Variants in GRK3 observed in about 807,000 individuals in gnomAD.
The protein encoded by GRK3 is G protein-coupled receptor kinase 3, also known as adrenergic, beta, receptor kinase 2.
Under a neutral mutation model 95.7 loss-of-function variants are expected in GRK3, and 54 were observed. That is an observed-to-expected ratio of 0.56 (90% CI 0.45 to 0.71). GRK3 has a LOEUF of 0.71. Among genes scored for constraint, GRK3 ranks in the 30% least tolerant of loss-of-function variants. The pLI is 0.00. For missense variants in GRK3, 649 were observed against 851.2 expected (o/e 0.76, Z 2.96); for synonymous variants, 281 against 290.8 (o/e 0.97, Z 0.34).
chr22:25,681,010 G>C (rs1161630617), intron 9 of GRK3, among the ~76,000 whole-genome samples: 2 of 151,730 alleles, frequency 1.3e-5, no homozygotes, highest in African/African-American at 4.8e-5. Flanking sequence ...AAGACAGTAG[G>C]AAGTACTGTT....
chr22:25,686,079 G>A (rs891774909), intron 10 of GRK3, among the ~76,000 whole-genome samples: 6 of 151,760 alleles, frequency 4.0e-5, no homozygotes, highest in Non-Finnish European at 5.9e-5. Context: ...AAAATTAGCC[G>A]GGGGTGGTGG....
chr22:25,614,901 A>G (rs528265061), intron 2 of GRK3, among the ~76,000 whole-genome samples: 5 of 152,272 alleles, frequency 3.3e-5, no homozygotes, highest in Non-Finnish European at 5.9e-5. Flanking sequence ...GCACATGGAG[A>G]AGACTAAGAC....
Position 25,709,880 on chromosome 22 carries a change from T to C in GRK3, c.1329-18T>C, listed in dbSNP as rs144369086. The C allele has an allele frequency of 5.8e-4, 922 of 1,601,610 alleles. 8 individuals are homozygous for C. In the East Asian group the frequency reaches 0.015, roughly 25 times the overall value. ...TCCAAATGCATACTCAGCACTGTTA[T>C]GACTCTTTCTCCTCCAGCTCACAGG... On this transcript the variant is annotated intron_variant, in intron 15 of 20. Coordinates refer to ENST00000324198, the MANE Select transcript of GRK3 (RefSeq NM_005160.4).
At chr22:25,593,587 G>T (rs774055314) in intron 1 of GRK3, among the ~76,000 whole-genome samples, 10 of 151,984 alleles carry the variant, frequency 6.6e-5, no homozygotes, top group Admixed American at 2.0e-4. Context: ...TATAGAATCT[G>T]GATATTAGAC....
Position 25,724,215 on chromosome 22 carries a change from G to A in GRK3, c.*1765G>A, listed in dbSNP as rs1418418648. On this transcript the variant is annotated 3_prime_UTR_variant, in exon 21 of 21. Transcript: ENST00000324198. ...GTCTTCCCAGCCCTGGTTAATTATAGCTGTGACTGATGCCGTTCCCGTCTG... is the reference window on the plus strand; with the variant it reads ...GTCTTCCCAGCCCTGGTTAATTATAACTGTGACTGATGCCGTTCCCGTCTG... The A allele has an allele frequency of 1.3e-5, 2 of 151,686 alleles. No individual in the cohort carries two copies. The highest frequency in any genetic ancestry group is 4.8e-5 in the African/African-American group (2 of 41,246). 9.4% of individuals were successfully genotyped at this position (151,686 alleles called of 1,614,324 possible).
intron 2 of GRK3, among the ~76,000 whole-genome samples, chr22:25,642,656 T>C (rs564061622): frequency 1.5e-4 from 23 of 152,164 alleles, no homozygotes; most frequent in Non-Finnish European, 3.1e-4. Context: ...TCTATTATTT[T>C]ACTCCCTATG....
At chr22:25,702,700 T>C (rs962890637) in intron 13 of GRK3, 2 of 372,552 alleles carry the variant, frequency 5.4e-6, no homozygotes, top group Non-Finnish European at 1.1e-5. Flanking sequence ...AAAGTAAGAG[T>C]TATCTTTATT....
At chr22:25,690,850 T>C (rs2146438717) in intron 12 of GRK3, among the ~76,000 whole-genome samples, 1 of 152,292 alleles carries the variant, frequency 6.6e-6, no homozygotes, top group East Asian at 1.9e-4. Flanking sequence ...CAGTTTAGGC[T>C]TTCACTGCAG....
chr22:25,716,279 C>T (rs959169037), intron 18 of GRK3, among the ~76,000 whole-genome samples: 52 of 152,332 alleles, frequency 3.4e-4, no homozygotes, highest in Admixed American at 9.1e-4. Context: ...TGAGCCACTG[C>T]GCCCGGCCAT....
At chr22:25,665,810 G>A (rs1167803507) in intron 5 of GRK3, among the ~76,000 whole-genome samples, 1 of 152,186 alleles carries the variant, frequency 6.6e-6, no homozygotes, top group Non-Finnish European at 1.5e-5. Flanking sequence ...AAACAAAACT[G>A]TTTTTAAAGT....
At chr22:25,594,250 C>T (rs1348400737) in intron 1 of GRK3, among the ~76,000 whole-genome samples, 1 of 152,124 alleles carries the variant, frequency 6.6e-6, no homozygotes, top group Non-Finnish European at 1.5e-5. Context: ...AACGTTCTTC[C>T]ATTTGTGTGT....
In GRK3 at chr22:25,603,427, T is replaced by C. The variant is rs545272189; in HGVS notation, c.114-950T>C. On this transcript the variant is annotated intron_variant, in intron 1 of 20. Transcript: ENST00000324198. ...TTTCCCCATTTTTCTGACTTGCTACTTCTATTATATGTCAAAGTTGAATGT... is the reference window on the plus strand; with the variant it reads ...TTTCCCCATTTTTCTGACTTGCTACCTCTATTATATGTCAAAGTTGAATGT... 8.5e-4 allele frequency among the ~76,000 whole-genome samples: 130 copies of C among 152,344 alleles called. 1 individual carries two copies. The highest frequency in any genetic ancestry group is 3.2e-4 in the Non-Finnish European group (22 of 68,022).
rs528665019 is a variant in GRK3, at chr22:25,607,356, G to GTTTT, written c.190+2911_190+2914dup. ...AAATTTCTCTGATTAACTTAAAAAT[G>GTTTT]TTTTTTTTTTTACTCTTGGTTTGAA... is the stretch of plus-strand genomic sequence containing the variant. On this transcript the variant is annotated intron_variant, in intron 2 of 20. Coordinates refer to ENST00000324198, the MANE Select transcript of GRK3 (RefSeq NM_005160.4). Among the ~76,000 whole-genome samples the GTTTT allele has an allele frequency of 7.7e-4, 104 of 134,788 alleles. No individual in the cohort carries two copies. In the East Asian group the frequency reaches 0.01, roughly 14 times the overall value. 88.4% of individuals were successfully genotyped at this position (134,788 alleles called of 152,430 possible).
At chr22:25,699,649 A>G (rs139491798) in intron 13 of GRK3, among the ~76,000 whole-genome samples, 11 of 151,264 alleles carry the variant, frequency 7.3e-5, no homozygotes, top group Non-Finnish European at 1.5e-4. Context: ...GGTGGAATCA[A>G]TGGCCACCAA....
At chr22:25,652,713 A>G (rs1456452200) in intron 3 of GRK3, among the ~76,000 whole-genome samples, 1 of 152,238 alleles carries the variant, frequency 6.6e-6, no homozygotes, top group East Asian at 1.9e-4. Context: ...GCATAATGAT[A>G]TTAGGCCAAC....
intron 1 of GRK3, among the ~76,000 whole-genome samples, chr22:25,566,990 C>G (rs912569155): frequency 1.3e-5 from 2 of 151,008 alleles, no homozygotes; most frequent in Non-Finnish European, 2.9e-5. Context: ...CTTAATGTGA[C>G]TTCTGCTTTT....
At chr22:25,646,289 G>A (rs985106153) in intron 3 of GRK3, among the ~76,000 whole-genome samples, 2 of 151,772 alleles carry the variant, frequency 1.3e-5, no homozygotes, top group African/African-American at 4.8e-5. Flanking sequence ...ATAGATGAAG[G>A]GATACATAAT....
chr22:25,666,074 C>G (rs897591492), intron 5 of GRK3, among the ~76,000 whole-genome samples: 2 of 152,176 alleles, frequency 1.3e-5, no homozygotes, highest in Non-Finnish European at 2.9e-5. Flanking sequence ...GGAAAGTAGT[C>G]TGCTCCTCAT....
intron 8 of GRK3, among the ~76,000 whole-genome samples, chr22:25,675,300 A>G (rs1315518824): frequency 6.6e-6 from 1 of 152,196 alleles, no homozygotes; most frequent in African/African-American, 2.4e-5. Flanking sequence ...GCTGGAGAGG[A>G]GGAAGCCCTG....
Sources: gnomAD v4.1 joint callset for allele counts (sites outside exome capture counted in the v4.1 genomes callset) on GRCh38, gnomAD v4.1.1 for gene constraint, MANE v1.5 for transcripts, NCBI Gene and HGNC (gene_info 2026-07-23, HGNC 2026-07-21) for gene names.